The following DLGAP1 variants were observed in gnomAD, a reference collection of about 807,000 sequenced individuals.
DLGAP1 encodes disks large-associated protein 1.
Under a neutral mutation model 90.8 loss-of-function variants are expected in DLGAP1, and 11 were observed. That is an observed-to-expected ratio of 0.12 (90% CI 0.08 to 0.20). The LOEUF (loss-of-function observed/expected upper bound fraction) is 0.20. Ranked by LOEUF, DLGAP1 falls within the 10% of genes least tolerant of loss-of-function variation. DLGAP1 has a pLI of 1.00. For synonymous variants in DLGAP1, 558 were observed against 540.7 expected (o/e 1.03, Z -0.44); for missense variants, 1,050 against 1,333.8 (o/e 0.79, Z 3.31).
chr18:3,799,020 C>T (rs1439203489), intron 5 of DLGAP1, among the ~76,000 whole-genome samples: 2 of 152,020 alleles, frequency 1.3e-5, no homozygotes, highest in African/African-American at 2.4e-5. Context: ...ATTACAGGCA[C>T]CTGCTACCAC....
chr18:4,433,419 A>G (rs2083333113), intron 1 of DLGAP1, among the ~76,000 whole-genome samples: 1 of 152,218 alleles, frequency 6.6e-6, no homozygotes, highest in Non-Finnish European at 1.5e-5. Flanking sequence ...CAGTTACCAA[A>G]ACCAAACTTC....
intron 1 of DLGAP1, among the ~76,000 whole-genome samples, chr18:4,263,848 G>A (rs959786450): frequency 1.3e-5 from 2 of 152,006 alleles, no homozygotes; most frequent in African/African-American, 4.8e-5. Context: ...TAAACTACAT[G>A]AATGAGAAGA....
chr18:4,115,497 T>TCTTTC lies in DLGAP1; in HGVS notation c.-159+35682_-159+35683insGAAAG, dbSNP rs2076048318. The stretch of plus-strand genomic sequence containing the variant: ...TTCTTCCTTTCTTTCTTTCTTTCTT[T>TCTTTC]TTTTTTGAGACGGAGTCTTGCTCTG... On this transcript the variant is annotated intron_variant, in intron 2 of 12. Coordinates refer to ENST00000315677, the MANE Select transcript of DLGAP1 (RefSeq NM_004746.4). Among the ~76,000 whole-genome samples, 58 of 140,734 alleles carry TCTTTC rather than the reference T, an allele frequency of 4.1e-4. 1 individual carries two copies. The South Asian group carries it at 6.4e-3, about 16-fold the overall frequency. The allele number at this position is 140,734 out of a possible 152,430, so 92.3% of individuals were successfully genotyped here.
intron 1 of DLGAP1, among the ~76,000 whole-genome samples, chr18:4,435,772 T>C (rs1231458272): frequency 1.3e-5 from 2 of 152,338 alleles, no homozygotes; most frequent in Middle Eastern, 3.4e-3. Context: ...ATTCTTTCTT[T>C]CACTTCCCTC....
At chr18:4,027,920 T>C (rs2074730467) in intron 2 of DLGAP1, among the ~76,000 whole-genome samples, 1 of 152,202 alleles carries the variant, frequency 6.6e-6, no homozygotes, top group African/African-American at 2.4e-5. Context: ...TTGTGGTGCC[T>C]TCAAGATGGT....
At chr18:4,214,476 C>T (rs1344787966) in intron 1 of DLGAP1, among the ~76,000 whole-genome samples, 1 of 152,142 alleles carries the variant, frequency 6.6e-6, no homozygotes, top group Admixed American at 6.6e-5. Context: ...AGTGGTAAAT[C>T]AAACAAGGTC....
chr18:3,661,191 C>T (rs1428999338), intron 7 of DLGAP1, among the ~76,000 whole-genome samples: 1 of 152,142 alleles, frequency 6.6e-6, no homozygotes, highest in Non-Finnish European at 1.5e-5. Context: ...TACCAGAGTG[C>T]CCAGTGAAAT....
At chr18:4,176,176 TA>T (rs1251359716) in intron 1 of DLGAP1, among the ~76,000 whole-genome samples, 3 of 152,180 alleles carry the variant, frequency 2.0e-5, no homozygotes. Context: ...ATTCTCTTTA[TA>T]GTGATTCACA....
At chr18:3,990,608 A>G (rs2073945958) in intron 3 of DLGAP1, among the ~76,000 whole-genome samples, 1 of 146,730 alleles carries the variant, frequency 6.8e-6, no homozygotes, top group Admixed American at 6.9e-5. Context: ...CGTTGTGCAC[A>G]TGTACCCTAA....
At chr18:3,523,340 G>A (rs185357977) in intron 10 of DLGAP1, among the ~76,000 whole-genome samples, 13 of 150,540 alleles carry the variant, frequency 8.6e-5, no homozygotes, top group East Asian at 7.8e-4. Flanking sequence ...TCACACTACC[G>A]CACTCCAGCC....
chr18:3,929,151 G>A (rs573483145), intron 3 of DLGAP1, among the ~76,000 whole-genome samples: 2 of 152,282 alleles, frequency 1.3e-5, no homozygotes, highest in East Asian at 3.9e-4. Context: ...ACAGTCTCAG[G>A]TAGGTCTTTA....
Position 3,729,106 on chromosome 18 carries a change from C to A in DLGAP1, c.1591+29G>T. On this transcript the variant is annotated intron_variant, in intron 7 of 12. Coordinates refer to ENST00000315677, the MANE Select transcript of DLGAP1 (RefSeq NM_004746.4). This position sits in a 1 kb window ranked among gnomAD's most constrained non-coding sequence, Gnocchi z 6.2. ...AGTCGTGCCATAGCCAGCACAGGGGCCAGGCTGGCTGAGGGCCCGCGCACT... is the reference window on the plus strand; with the variant it reads ...AGTCGTGCCATAGCCAGCACAGGGGACAGGCTGGCTGAGGGCCCGCGCACT... 1 of 1,580,026 alleles carries A rather than the reference C, an allele frequency of 6.3e-7. No homozygotes were observed. The highest frequency in any genetic ancestry group is 1.1e-5 in the South Asian group (1 of 87,702).
chr18:3,646,723 G>C (rs1310952573), intron 7 of DLGAP1, among the ~76,000 whole-genome samples: 1 of 152,016 alleles, frequency 6.6e-6, no homozygotes, highest in Non-Finnish European at 1.5e-5. Context: ...AGGAGATTGA[G>C]ACCATCCTGG....
At chr18:4,416,751 G>A (rs2082909130) in intron 1 of DLGAP1, among the ~76,000 whole-genome samples, 1 of 152,154 alleles carries the variant, frequency 6.6e-6, no homozygotes, top group South Asian at 2.1e-4. Context: ...AGTGCTCTTG[G>A]GCTTGCCTGT....
intron 1 of DLGAP1, among the ~76,000 whole-genome samples, chr18:4,283,724 A>G (rs1463558924): frequency 6.6e-6 from 1 of 152,252 alleles, no homozygotes; most frequent in Non-Finnish European, 1.5e-5. Flanking sequence ...GATAAAATTC[A>G]TAGACAGATT....
chr18:4,197,516 G>A (rs1453908485), intron 1 of DLGAP1, among the ~76,000 whole-genome samples: 1 of 152,182 alleles, frequency 6.6e-6, no homozygotes, highest in Non-Finnish European at 1.5e-5. Flanking sequence ...TGGTGGCATT[G>A]TGAAGTGGCA....
intron 1 of DLGAP1, among the ~76,000 whole-genome samples, chr18:4,426,789 C>T (rs150297651): frequency 0.028 from 4,269 of 152,226 alleles, 101 homozygotes; most frequent in Middle Eastern, 0.048. Context: ...AATGAATTAT[C>T]TCAATTAGAC....
intron 9 of DLGAP1, among the ~76,000 whole-genome samples, chr18:3,543,787 G>A (rs116110659): frequency 5.3e-5 from 8 of 152,110 alleles, no homozygotes; most frequent in Admixed American, 2.0e-4. Flanking sequence ...ATGGGGAGTC[G>A]GCAGTCTCCC....
intron 7 of DLGAP1, among the ~76,000 whole-genome samples, chr18:3,632,842 C>T (rs1242341996): frequency 1.3e-5 from 2 of 152,006 alleles, no homozygotes; most frequent in Non-Finnish European, 2.9e-5. Flanking sequence ...TAAATTTGGG[C>T]TGAGGTTTGA....
Sources: gnomAD v4.1 joint callset for allele counts (sites outside exome capture counted in the v4.1 genomes callset) on GRCh38, gnomAD v4.1.1 for gene constraint, Gnocchi (gnomAD v3.1) non-coding constraint, MANE v1.5 for transcripts, NCBI Gene and HGNC (gene_info 2026-07-23, HGNC 2026-07-21) for gene names.